Variants in FAM184B observed in about 807,000 individuals in gnomAD.
FAM184B encodes family with sequence similarity 184 member B, also known as protein FAM184B.
A neutral mutation model predicts 135.9 loss-of-function variants in FAM184B; 111 were observed. That is an observed-to-expected ratio of 0.82 (90% CI 0.70 to 0.96). The LOEUF is 0.96. Ranked by LOEUF, FAM184B falls within the 40% of genes least tolerant of loss-of-function variation. The probability of loss-of-function intolerance (pLI) is 0.00; values close to 1 mark genes in which losing one functional copy is unlikely to be tolerated. For missense variants in FAM184B, 1,375 were observed against 1,323.9 expected (o/e 1.04, Z -0.60); for synonymous variants, 552 against 524.8 (o/e 1.05, Z -0.71).
chr4:17,779,561 A>T (rs997129354), intron 1 of FAM184B, among the ~76,000 whole-genome samples: 6 of 152,224 alleles, frequency 3.9e-5, no homozygotes, highest in Admixed American at 2.0e-4. Context: ...TATTGAAATG[A>T]TCTGTTTATG....
chr4:17,698,419 A>AACG (rs34549462), intron 5 of FAM184B, among the ~76,000 whole-genome samples: 3 of 24,060 alleles, frequency 1.2e-4, no homozygotes, highest in Non-Finnish European at 2.8e-4. Flanking sequence ...ACTGTAAGGG[A>AACG]ACAACTGAGC....
intron 5 of FAM184B, among the ~76,000 whole-genome samples, chr4:17,694,763 T>C (rs1024006892): frequency 8.6e-5 from 13 of 152,032 alleles, no homozygotes; most frequent in Admixed American, 8.5e-4. Flanking sequence ...GAGCTGACAT[T>C]TGAGTGAAAA....
At chr4:17,769,914 A>C (rs977324348) in intron 1 of FAM184B, among the ~76,000 whole-genome samples, 1 of 152,170 alleles carries the variant, frequency 6.6e-6, no homozygotes, top group Non-Finnish European at 1.5e-5. Context: ...AGGCAGATGG[A>C]GCTGAGATAG....
At chr4:17,770,471 T>C (rs1184623555) in intron 1 of FAM184B, among the ~76,000 whole-genome samples, 1 of 151,042 alleles carries the variant, frequency 6.6e-6, no homozygotes, top group African/African-American at 2.4e-5. Flanking sequence ...GTTGTTGTTG[T>C]TGTTTTTTCT....
rs1422086927 is a variant in FAM184B, at chr4:17,739,557, T to TTTTTTTTTTTTTTG, written c.142-29914_142-29913insCAAAAAAAAAAAAA. Among the ~76,000 whole-genome samples, 55 of 112,926 alleles carry TTTTTTTTTTTTTTG rather than the reference T, an allele frequency of 4.9e-4. 8 individuals carry two copies. The highest frequency in any genetic ancestry group is 2.6e-3 in the Admixed American group (26 of 10,164). 74.1% of individuals were successfully genotyped at this position (112,926 alleles called of 152,430 possible). On this transcript the variant is annotated intron_variant, in intron 1 of 17. Coordinates refer to ENST00000265018, the MANE Select transcript of FAM184B (RefSeq NM_015688.2). ...CTACACCATATGTCATACCAACTGT[T>TTTTTTTTTTTTTTG]TTTTTTTTTTTTTTGAGATGGGGTT...
intron 15 of FAM184B, among the ~76,000 whole-genome samples, chr4:17,636,204 C>T (rs1715129793): frequency 1.3e-5 from 2 of 152,128 alleles, no homozygotes; most frequent in South Asian, 2.1e-4. Flanking sequence ...CTCTCGGGTT[C>T]AAGTGATTCT....
At chr4:17,707,246 T>C (rs188601078) in intron 3 of FAM184B, among the ~76,000 whole-genome samples, 8 of 152,284 alleles carry the variant, frequency 5.3e-5, no homozygotes, top group Admixed American at 2.0e-4. Context: ...CCCAACCAGA[T>C]TGACAATACT....
chr4:17,725,182 G>A (rs1441155204), intron 1 of FAM184B, among the ~76,000 whole-genome samples: 1 of 152,118 alleles, frequency 6.6e-6, no homozygotes. Context: ...AGTAGGGACT[G>A]TTTGTTACTC....
intron 1 of FAM184B, among the ~76,000 whole-genome samples, chr4:17,759,482 C>A (rs1357011807): frequency 6.6e-6 from 1 of 152,050 alleles, no homozygotes; most frequent in Non-Finnish European, 1.5e-5. Context: ...TACCCAGTTT[C>A]AGGTATGTCT....
chr4:17,727,939 T>C (rs918440723), intron 1 of FAM184B, among the ~76,000 whole-genome samples: 4 of 152,128 alleles, frequency 2.6e-5, no homozygotes, highest in Admixed American at 2.6e-4. Flanking sequence ...TTTGCTTAAC[T>C]GTCTTTACCC....
chr4:17,775,472 A>G (rs1340668746), intron 1 of FAM184B, among the ~76,000 whole-genome samples: 1 of 152,228 alleles, frequency 6.6e-6, no homozygotes, highest in African/African-American at 2.4e-5. Flanking sequence ...GGCATGAGCC[A>G]CTGAGCCCAG....
intron 7 of FAM184B, among the ~76,000 whole-genome samples, chr4:17,670,101 T>C (rs1000601464): frequency 2.0e-5 from 3 of 152,120 alleles, no homozygotes; most frequent in Admixed American, 2.0e-4. Context: ...AGAAGGTAGG[T>C]TTAAAAGAAT....
rs770773614 is a variant in FAM184B, at chr4:17,647,625, G to A, written c.2346+12C>T. ...GGAGGGGTATTGCTGGTGCAAGGGC[G>A]GGGGCACTGACCTCTGTGGCGATTA... On this transcript the variant is annotated intron_variant, in intron 12 of 17. Transcript: ENST00000265018. 58 of 1,545,684 alleles carry A rather than the reference G, an allele frequency of 3.8e-5. No individual in the cohort carries two copies. The highest frequency in any genetic ancestry group is 4.5e-5 in the Non-Finnish European group (51 of 1,143,714).
intron 1 of FAM184B, among the ~76,000 whole-genome samples, chr4:17,778,662 G>A (rs1453558063): frequency 2.6e-5 from 4 of 152,164 alleles, no homozygotes; most frequent in Non-Finnish European, 5.9e-5. Context: ...ACCAGCTTGG[G>A]CAACATGGTG....
At position 17,658,581 on chromosome 4, in the gene FAM184B, G is replaced by T. The variant is rs1173020912; in HGVS notation, c.1825-19C>A. On this transcript the variant is annotated intron_variant, in intron 9 of 17. Coordinates refer to ENST00000265018, the MANE Select transcript of FAM184B (RefSeq NM_015688.2). ...GTGAGACCTGCGCACAAGGCATCCT[G>T]CCCTCAGTCTAAGCCCCTTGCCTTT... The T allele has an allele frequency of 6.5e-7, 1 of 1,547,752 alleles. No individual in the cohort carries two copies. The highest frequency in any genetic ancestry group is 2.0e-5 in the Admixed American group (1 of 50,986).
chr4:17,724,583 T>C (rs77060753), intron 1 of FAM184B, among the ~76,000 whole-genome samples: 6,021 of 152,142 alleles, frequency 0.04, 267 homozygotes, highest in African/African-American at 0.11. Flanking sequence ...CTTGGTTCCA[T>C]GGAGGAAAAG....
At chr4:17,637,823 C>A (rs1273071332) in intron 14 of FAM184B, among the ~76,000 whole-genome samples, 1 of 152,180 alleles carries the variant, frequency 6.6e-6, no homozygotes, top group African/African-American at 2.4e-5. Flanking sequence ...ACCCCCTCCC[C>A]CTGTTTCTTC....
chr4:17,636,641 T>G lies in FAM184B; in HGVS notation c.2671A>C (p.Lys891Gln). 6.5e-7 allele frequency: 1 copy of G among 1,548,358 alleles called. No homozygotes were observed. The highest frequency in any genetic ancestry group is 8.7e-7 in the Non-Finnish European group (1 of 1,146,028). The part of the protein sequence containing the change: ...ARLAALEAEL[K>Q]DSGEKPGKGA... ...TTCCCTGGCTTCTCTCCGGAATCTT[T>G]CAGTCTGTTCCAAGCAGGCATGCAG... Residue 891 changes from lysine to glutamine, a missense_variant, in exon 15 of 18, where the codon AAA becomes CAA. By Grantham distance (53) the Lys-to-Gln change is moderately conservative. Transcript: ENST00000265018.
intron 7 of FAM184B, among the ~76,000 whole-genome samples, chr4:17,668,300 T>C (rs1716098533): frequency 6.6e-6 from 1 of 152,216 alleles, no homozygotes; most frequent in African/African-American, 2.4e-5. Context: ...TTATGCTAGG[T>C]CAGTTCCTAA....
Sources: gnomAD v4.1 joint callset for allele counts (sites outside exome capture counted in the v4.1 genomes callset) on GRCh38, gnomAD v4.1.1 for gene constraint, MANE v1.5 for transcripts, NCBI Gene and HGNC (gene_info 2026-07-23, HGNC 2026-07-21) for gene names.